The following VKORC1L1 variants were observed in gnomAD, a reference collection of about 807,000 sequenced individuals.
VKORC1L1 encodes the protein vitamin K epoxide reductase complex subunit 1-like protein 1.
VKORC1L1 carries 2 observed loss-of-function variants against 18.9 expected under a neutral mutation model. That is an observed-to-expected ratio of 0.11 (90% CI 0.04 to 0.33). The LOEUF (loss-of-function observed/expected upper bound fraction) is 0.33, where lower values mean the gene tolerates loss of function less well. VKORC1L1 is among the 10% of genes least tolerant of loss of function. VKORC1L1 has a pLI of 1.00. For missense variants in VKORC1L1, 123 were observed against 224.1 expected (o/e 0.55, Z 2.88); for synonymous variants, 96 against 100.0 (o/e 0.96, Z 0.24).
intron 1 of VKORC1L1, among the ~76,000 whole-genome samples, chr7:65,933,332 G>A (rs1054299370): frequency 6.6e-6 from 1 of 151,962 alleles, no homozygotes; most frequent in African/African-American, 2.4e-5. Context: ...TGTATATTTA[G>A]GATTGTTTTA....
intron 1 of VKORC1L1, among the ~76,000 whole-genome samples, chr7:65,883,136 CTTTTTTTT>C (rs34906605): frequency 2.7e-5 from 3 of 109,588 alleles, no homozygotes; most frequent in African/African-American, 1.2e-4. Flanking sequence ...TACATTTGAG[CTTTTTTTT>C]TTTTTTTTTT....
At position 65,887,246 on chromosome 7, in the gene VKORC1L1, A is replaced by G. The variant is rs371235155; in HGVS notation, c.194+13681A>G. 6.9e-4 allele frequency among the ~76,000 whole-genome samples: 105 copies of G among 152,076 alleles called. 1 individual carries two copies. Among genetic ancestry groups the G allele is most frequent in the African/African-American group, 2.5e-3 (102 of 41,526 alleles). On this transcript the variant is annotated intron_variant, in intron 1 of 2. Coordinates refer to ENST00000360768, the MANE Select transcript of VKORC1L1 (RefSeq NM_173517.6). The stretch of plus-strand genomic sequence containing the variant: ...GTATCATCTGTACTGTTAATTCATA[A>G]CAGTTTTCTTAAAATTTACTAAAGA...
rs766891319 is a variant in VKORC1L1, at chr7:65,954,226, C to G, written c.457C>G (p.Leu153Val). The G allele has an allele frequency of 2.5e-6, 4 of 1,614,162 alleles. No homozygotes were observed. The highest frequency in any genetic ancestry group is 3.4e-6 in the Non-Finnish European group (4 of 1,180,040). ...IVTYVLNFLL[L>V]IINYKRLVYL... ...CACGTACGTGCTGAACTTCCTTCTTCTCATTATCAACTACAAACGACTAGT... is the reference window on the plus strand; with the variant it reads ...CACGTACGTGCTGAACTTCCTTCTTGTCATTATCAACTACAAACGACTAGT... Residue 153 changes from leucine (L) to valine (V), a missense_variant, in exon 3 of 3, where the codon CTC (leucine) becomes GTC (valine). This residue lies in a region of VKORC1L1 where 41 missense variants were observed against 61.6 expected (regional missense o/e 0.67). Transcript: ENST00000360768.
intron 1 of VKORC1L1, among the ~76,000 whole-genome samples, chr7:65,880,867 A>G (rs1174043338): frequency 1.3e-5 from 2 of 152,208 alleles, no homozygotes; most frequent in Admixed American, 1.3e-4. Flanking sequence ...CTGATAAGAC[A>G]TAGCACTGAG....
At chr7:65,874,546 G>T (rs1398671637) in intron 1 of VKORC1L1, among the ~76,000 whole-genome samples, 1 of 152,042 alleles carries the variant, frequency 6.6e-6, no homozygotes, top group Non-Finnish European at 1.5e-5. Context: ...AGTGGCTCAC[G>T]CCTGTAATCC....
rs537858380 is a variant in VKORC1L1 at position 65,935,064 on chromosome 7, A to AG, written c.195-13607_195-13606insG. The stretch of plus-strand genomic sequence containing the variant: ...GTGAGATTACATCTCAAAAAAAAAA[A>AG]AAAAAAGGGGGTCTATTTCAGATAT... On this transcript the variant is annotated intron_variant, in intron 1 of 2. Coordinates refer to ENST00000360768, the MANE Select transcript of VKORC1L1 (RefSeq NM_173517.6). Among the ~76,000 whole-genome samples, 34 of 151,928 alleles carry AG rather than the reference A, an allele frequency of 2.2e-4. 1 individual carries two copies. The South Asian group carries it at 6.0e-3, about 27-fold the overall frequency.
At chr7:65,898,077 GTTT>G (rs71051319) in intron 1 of VKORC1L1, among the ~76,000 whole-genome samples, 9 of 82,996 alleles carry the variant, frequency 1.1e-4, no homozygotes, top group South Asian at 8.0e-4. Context: ...TTTGTAGCAG[GTTT>G]TTTTTTTTTT....
At chr7:65,941,339 C>A (rs1440971129) in intron 1 of VKORC1L1, among the ~76,000 whole-genome samples, 2 of 152,098 alleles carry the variant, frequency 1.3e-5, no homozygotes, top group Non-Finnish European at 2.9e-5. Flanking sequence ...TGATCTTGAA[C>A]TCCTGGGCTT....
At chr7:65,900,503 G>A (rs1789297337) in intron 1 of VKORC1L1, among the ~76,000 whole-genome samples, 1 of 151,838 alleles carries the variant, frequency 6.6e-6, no homozygotes, top group African/African-American at 2.4e-5. Context: ...GGTTGTATAC[G>A]TATAAAACTA....
chr7:65,911,280 A>G (rs1374601013), intron 1 of VKORC1L1, among the ~76,000 whole-genome samples: 1 of 152,266 alleles, frequency 6.6e-6, no homozygotes, highest in African/African-American at 2.4e-5. Flanking sequence ...AGTTTAACTC[A>G]TGTTAAATTA....
chr7:65,946,463 G>A (rs1342615177), intron 1 of VKORC1L1, among the ~76,000 whole-genome samples: 6 of 152,014 alleles, frequency 3.9e-5, no homozygotes, highest in African/African-American at 1.5e-4. Flanking sequence ...TTCATTTTGT[G>A]TTGTGTTTTC....
chr7:65,920,325 T>G (rs1789654550), intron 1 of VKORC1L1, among the ~76,000 whole-genome samples: 1 of 152,182 alleles, frequency 6.6e-6, no homozygotes, highest in Non-Finnish European at 1.5e-5. Context: ...TGTGTTCCCA[T>G]CACCTGATAC....
intron 1 of VKORC1L1, among the ~76,000 whole-genome samples, chr7:65,880,247 G>A (rs1183294887): frequency 6.6e-6 from 1 of 152,140 alleles, no homozygotes; most frequent in African/African-American, 2.4e-5. Context: ...AATGGTGCCA[G>A]TTTCTGTATC....
At chr7:65,903,417 A>G (rs1275647068) in intron 1 of VKORC1L1, among the ~76,000 whole-genome samples, 3 of 150,654 alleles carry the variant, frequency 2.0e-5, no homozygotes, top group Non-Finnish European at 4.4e-5. Context: ...TGCCTGCCTC[A>G]GCCTCCCAAA....
chr7:65,888,165 C>T (rs1007006711), intron 1 of VKORC1L1, among the ~76,000 whole-genome samples: 17 of 152,104 alleles, frequency 1.1e-4, no homozygotes, highest in Non-Finnish European at 2.4e-4. Flanking sequence ...TCTTATTATT[C>T]TGGTCAGAGA....
chr7:65,929,032 A>T (rs141051681), intron 1 of VKORC1L1, among the ~76,000 whole-genome samples: 2,877 of 152,274 alleles, frequency 0.019, 46 homozygotes, highest in Non-Finnish European at 0.027. Flanking sequence ...ATCTATATAT[A>T]TTTGGTGACT....
rs1790348952 is a variant in VKORC1L1, at chr7:65,958,997, A to C, written c.*4697A>C. 1 of 152,378 alleles carries C rather than the reference A, an allele frequency of 6.6e-6. No homozygotes were observed. The highest frequency in any genetic ancestry group is 2.4e-5 in the African/African-American group (1 of 41,590). The allele number at this position is 152,378 out of a possible 1,614,324, so 9.4% of individuals were successfully genotyped here. A position where few individuals can be genotyped will look rare whatever the true frequency, so the allele number is the denominator to read the frequency against. On this transcript the variant is annotated 3_prime_UTR_variant, in exon 3 of 3. Coordinates refer to ENST00000360768, the MANE Select transcript of VKORC1L1 (RefSeq NM_173517.6). ...ACAAGTGTGTTCTGTGCTGGAGCTC[A>C]AGACCTGTGGAAAGGGACTGCCCCC...
intron 1 of VKORC1L1, among the ~76,000 whole-genome samples, chr7:65,877,339 T>C (rs949592907): frequency 6.6e-6 from 1 of 152,002 alleles, no homozygotes; most frequent in Non-Finnish European, 1.5e-5. Context: ...GAGAAACTAA[T>C]GCAGAATATT....
chr7:65,867,241 A>G, the VKORC1L1 span, among the ~76,000 whole-genome samples: 2 of 151,950 alleles, frequency 1.3e-5, no homozygotes, highest in Non-Finnish European at 2.9e-5. Flanking sequence ...GAAGAAGAAG[A>G]AATGGTCTCT....
Sources: allele counts gnomAD v4.1 joint callset (sites outside exome capture counted in the v4.1 genomes callset), GRCh38; gene constraint gnomAD v4.1.1; regional missense constraint gnomAD v4.1.1; transcripts MANE v1.5; gene names NCBI Gene and HGNC (gene_info 2026-07-23, HGNC 2026-07-21).